KATNIP: variants seen among roughly 807,000 people sequenced by gnomAD.
KATNIP encodes katanin-interacting protein.
A neutral mutation model predicts 174.0 loss-of-function variants in KATNIP; 126 were observed. The observed-to-expected ratio is 0.72, with a 90% confidence interval of 0.63 to 0.84. KATNIP has a LOEUF of 0.84. Among genes scored for constraint, KATNIP ranks in the 40% least tolerant of loss-of-function variants. The pLI, the probability that KATNIP is intolerant of heterozygous loss-of-function variation, is 0.00. For missense variants in KATNIP, 1,958 were observed against 2,109.7 expected (o/e 0.93, Z 1.41); for synonymous variants, 810 against 835.7 (o/e 0.97, Z 0.53).
chr16:27,737,833 C>CT (rs1262817754), intron 14 of KATNIP, among the ~76,000 whole-genome samples: 1 of 152,156 alleles, frequency 6.6e-6, no homozygotes. Context: ...GAACCAGACA[C>CT]TTCTGAGAGT....
intron 8 of KATNIP, among the ~76,000 whole-genome samples, chr16:27,697,103 G>A (rs2078940348): frequency 6.6e-6 from 1 of 152,190 alleles, no homozygotes; most frequent in Admixed American, 6.5e-5. Context: ...TGTGAATAGT[G>A]CTAGATGAAC....
chr16:27,734,065 G>T lies in KATNIP; in HGVS notation c.1744-5976G>T, dbSNP rs189728873. ...GGGTAGGAGACAGTTAGTCTATAAGGACTTATTTATTATTATTATTATTAT... is the reference window on the plus strand; with the variant it reads ...GGGTAGGAGACAGTTAGTCTATAAGTACTTATTTATTATTATTATTATTAT... On this transcript the variant is annotated intron_variant, in intron 14 of 27. Transcript: ENST00000261588. Among the ~76,000 whole-genome samples the T allele has an allele frequency of 7.7e-3, 1,171 of 152,080 alleles. 15 individuals carry two copies. The highest frequency in any genetic ancestry group is 0.027 in the African/African-American group (1,119 of 41,488).
intron 1 of KATNIP, among the ~76,000 whole-genome samples, chr16:27,557,304 A>G (rs1265651989): frequency 6.6e-6 from 1 of 151,874 alleles, no homozygotes; most frequent in Non-Finnish European, 1.5e-5. Context: ...ACCACGCCCA[A>G]CTAATTTTTG....
chr16:27,653,407 G>C lies in KATNIP; in HGVS notation c.540+4672G>C, dbSNP rs140788160. ...TAAACGACTAAAGACCACCATCCTT[G>C]GCCAGCCCACCCCAACCCTGCCCCC... On this transcript the variant is annotated intron_variant, in intron 6 of 27. Coordinates refer to ENST00000261588, the MANE Select transcript of KATNIP (RefSeq NM_015202.5). Among the ~76,000 whole-genome samples, 7 of 152,150 alleles carry C rather than the reference G, an allele frequency of 4.6e-5. No individual in the cohort carries two copies. In the East Asian group the frequency reaches 1.4e-3, roughly 29 times the overall value.
chr16:27,747,188 AG>A (rs1344058823), intron 15 of KATNIP, among the ~76,000 whole-genome samples: 2 of 152,300 alleles, frequency 1.3e-5, no homozygotes, highest in South Asian at 2.1e-4. Context: ...TCAGTGGGAG[AG>A]GCAGAGAACC....
At chr16:27,710,703 T>C (rs2079538352) in intron 13 of KATNIP, among the ~76,000 whole-genome samples, 1 of 152,174 alleles carries the variant, frequency 6.6e-6, no homozygotes, top group African/African-American at 2.4e-5. Context: ...GGGGTCTCAC[T>C]ATGTTACCTG....
At chr16:27,747,782 A>C (rs534952118) in intron 15 of KATNIP, among the ~76,000 whole-genome samples, 1 of 152,222 alleles carries the variant, frequency 6.6e-6, no homozygotes, top group East Asian at 1.9e-4. Flanking sequence ...GGGGTGGCAG[A>C]GCACCTGAGC....
At chr16:27,734,331 T>G (rs1567366449) in intron 14 of KATNIP, among the ~76,000 whole-genome samples, 1 of 144,074 alleles carries the variant, frequency 6.9e-6, no homozygotes, top group Non-Finnish European at 1.5e-5. Flanking sequence ...TCCACCTGCC[T>G]CAGCCTCCCA....
In KATNIP at chr16:27,778,689, C is replaced by A; in HGVS notation, c.*60C>A. On this transcript the variant is annotated 3_prime_UTR_variant, in exon 28 of 28. Transcript: ENST00000261588. ...GGTGGGCTCCGTCAGCAGCCCCACT[C>A]AGTGCCTGCGTCCCTCACCCTCAGT... is the stretch of plus-strand genomic sequence containing the variant. 1 of 1,517,750 alleles carries A rather than the reference C, an allele frequency of 6.6e-7. No individual in the cohort carries two copies. Among genetic ancestry groups the A allele is most frequent in the South Asian group, 1.2e-5 (1 of 85,914 alleles). 94.0% of individuals were successfully genotyped at this position (1,517,750 alleles called of 1,614,324 possible). A position where few individuals can be genotyped will look rare whatever the true frequency, so the allele number is the denominator to read the frequency against.
intron 5 of KATNIP, among the ~76,000 whole-genome samples, chr16:27,640,244 G>C (rs2076752159): frequency 1.3e-5 from 2 of 152,240 alleles, no homozygotes; most frequent in African/African-American, 4.8e-5. Context: ...ACCCAGGTCT[G>C]GGTGCTGCAA....
chr16:27,621,219 A>G (rs2142082930), intron 3 of KATNIP, among the ~76,000 whole-genome samples: 1 of 152,168 alleles, frequency 6.6e-6, no homozygotes, highest in Middle Eastern at 3.4e-3. Flanking sequence ...GGAATTCAAG[A>G]CTGCAGTGAG....
intron 6 of KATNIP, among the ~76,000 whole-genome samples, chr16:27,658,929 A>T (rs1390353377): frequency 6.9e-6 from 1 of 144,266 alleles, no homozygotes; most frequent in East Asian, 2.0e-4. Flanking sequence ...TGCCCAGCTA[A>T]TTTTTTTTTT....
chr16:27,769,130 G>A (rs1008366386), intron 20 of KATNIP, among the ~76,000 whole-genome samples: 2 of 152,208 alleles, frequency 1.3e-5, no homozygotes, highest in African/African-American at 4.8e-5. Context: ...TCAAATCCAC[G>A]TGAATCCTGC....
chr16:27,614,412 C>T (rs1035514657), intron 2 of KATNIP, among the ~76,000 whole-genome samples: 3 of 152,198 alleles, frequency 2.0e-5, no homozygotes, highest in Non-Finnish European at 4.4e-5. Flanking sequence ...CCACCTGCCT[C>T]AGCCTCCCAA....
intron 1 of KATNIP, among the ~76,000 whole-genome samples, chr16:27,573,474 G>A (rs1006605345): frequency 6.6e-6 from 1 of 152,262 alleles, no homozygotes; most frequent in Non-Finnish European, 1.5e-5. Flanking sequence ...CACCTATGTG[G>A]TGGATTTGGG....
intron 8 of KATNIP, among the ~76,000 whole-genome samples, chr16:27,690,266 TACTCATTCCATGGC>T (rs924500325): frequency 1.3e-5 from 2 of 151,500 alleles, no homozygotes; most frequent in Non-Finnish European, 2.9e-5. Flanking sequence ...CAGTGAGCCA[TACTCATTCCATGGC>T]ACTCCAGCCC....
At chr16:27,683,170 A>G (rs559352525) in intron 8 of KATNIP, among the ~76,000 whole-genome samples, 3 of 152,160 alleles carry the variant, frequency 2.0e-5, no homozygotes, top group African/African-American at 7.2e-5. Context: ...CAGGTCCCGG[A>G]GTTGGGATCT....
rs762567077 is a variant in KATNIP at position 27,721,582 on chromosome 16, A to T, written c.1630A>T (p.Thr544Ser). 1.2e-6 allele frequency: 2 copies of T among 1,614,080 alleles called. No homozygotes were observed. The highest frequency in any genetic ancestry group is 2.2e-5 in the South Asian group (2 of 91,072). The part of the protein sequence containing the change: ...LAGKKDSSPW[T>S]CPFHPPLQLF... Reference sequence around the variant, plus strand: ...GGGCAAGAAAGACTCCTCCCCGTGGACCTGCCCCTTCCACCCACCACTCCA... The same window carrying T: ...GGGCAAGAAAGACTCCTCCCCGTGGTCCTGCCCCTTCCACCCACCACTCCA... The change falls in exon 14 of 28, where the codon ACC becomes TCC. Residue 544 changes from threonine (T) to serine (S), a missense_variant. Physicochemically the swap from Thr to Ser is moderately conservative, Grantham distance 58. Coordinates refer to ENST00000261588, the MANE Select transcript of KATNIP (RefSeq NM_015202.5).
Position 27,642,762 on chromosome 16 carries a change from T to A in KATNIP, c.409-5842T>A, listed in dbSNP as rs895218482. ...GGCTGGACACATTGTTTTTTAATTT[T>A]TAAAAAATTTTTTTTTTTTTTTTTT... On this transcript the variant is annotated intron_variant, in intron 5 of 27. Transcript: ENST00000261588. Among the ~76,000 whole-genome samples the A allele has an allele frequency of 9.8e-5, 14 of 142,938 alleles. No individual in the cohort carries two copies. In the South Asian group the frequency reaches 2.5e-3, roughly 25 times the overall value. The allele number at this position is 142,938 out of a possible 152,430, so 93.8% of individuals were successfully genotyped here. A position where few individuals can be genotyped will look rare whatever the true frequency, so the allele number is the denominator to read the frequency against.
Sources: allele counts gnomAD v4.1 joint callset (sites outside exome capture counted in the v4.1 genomes callset), GRCh38; gene constraint gnomAD v4.1.1; transcripts MANE v1.5; gene names NCBI Gene and HGNC (gene_info 2026-07-23, HGNC 2026-07-21).